Variants in ZNF407 observed in about 807,000 individuals in gnomAD.
The protein encoded by ZNF407 is zinc finger protein 407.
ZNF407 carries 17 observed loss-of-function variants against 131.2 expected under a neutral mutation model. The observed-to-expected ratio is 0.13, with a 90% confidence interval of 0.09 to 0.19. The LOEUF (loss-of-function observed/expected upper bound fraction) is 0.19. Ranked by LOEUF, ZNF407 falls within the 10% of genes least tolerant of loss-of-function variation. The probability of loss-of-function intolerance (pLI) is 1.00; values close to 1 mark genes in which losing one functional copy is unlikely to be tolerated. For synonymous variants in ZNF407, 1,156 were observed against 1,062.0 expected (o/e 1.09, Z -1.72); for missense variants, 2,681 against 2,830.6 (o/e 0.95, Z 1.20).
chr18:74,831,140 G>T (rs1003623886), intron 4 of ZNF407, among the ~76,000 whole-genome samples: 1 of 152,078 alleles, frequency 6.6e-6, no homozygotes, highest in East Asian at 1.9e-4. Context: ...CATTGTGTAT[G>T]TATATATACC....
intron 7 of ZNF407, among the ~76,000 whole-genome samples, chr18:74,906,769 CTG>C (rs761270124): frequency 1.6e-4 from 25 of 152,070 alleles, no homozygotes; most frequent in East Asian, 3.9e-4. Context: ...CACAGATACT[CTG>C]TGTATATATT....
chr18:74,941,429 G>A (rs1053058702), intron 8 of ZNF407, among the ~76,000 whole-genome samples: 2 of 152,186 alleles, frequency 1.3e-5, no homozygotes, highest in African/African-American at 2.4e-5. Flanking sequence ...CTGCTTTCAT[G>A]TAGCTCCAGC....
At chr18:74,688,648 TTTTAGA>T (rs1480846631) in intron 3 of ZNF407, among the ~76,000 whole-genome samples, 2 of 152,204 alleles carry the variant, frequency 1.3e-5, no homozygotes, top group Non-Finnish European at 2.9e-5. Context: ...AGTTTTATTG[TTTTAGA>T]TTTAACATTA....
chr18:74,982,645 G>A (rs542441582), intron 8 of ZNF407, among the ~76,000 whole-genome samples: 17 of 152,300 alleles, frequency 1.1e-4, no homozygotes, highest in Non-Finnish European at 2.1e-4. Context: ...GGAACCTCTC[G>A]TCACTGTCTT....
chr18:74,992,259 A>G (rs1972727443), intron 8 of ZNF407, among the ~76,000 whole-genome samples: 1 of 152,230 alleles, frequency 6.6e-6, no homozygotes, highest in African/African-American at 2.4e-5. Context: ...TTTTTAAAAG[A>G]TAAAGTACTA....
At chr18:75,001,847 G>A (rs764455878) in intron 8 of ZNF407, among the ~76,000 whole-genome samples, 1 of 152,194 alleles carries the variant, frequency 6.6e-6, no homozygotes, top group Non-Finnish European at 1.5e-5. Context: ...TCTGTCCCCC[G>A]TGAATATTTG....
chr18:74,915,321 AGTGTGTGT>A lies in ZNF407; in HGVS notation c.5250-5169_5250-5162del, dbSNP rs5826357. 3.9e-3 allele frequency among the ~76,000 whole-genome samples: 518 copies of A among 133,156 alleles called. 4 individuals are homozygous for A. The highest frequency in any genetic ancestry group is 0.013 in the African/African-American group (470 of 35,232). 87.4% of individuals were successfully genotyped at this position (133,156 alleles called of 152,430 possible). A position where few individuals can be genotyped will look rare whatever the true frequency, so the allele number is the denominator to read the frequency against. ...ATTAGTAAAGAGTGTTCGAATCGGGAGTGTGTGTGTGTGTGTGTGTGTGTGTGTGTGCA... is the reference window on the plus strand; with the variant it reads ...ATTAGTAAAGAGTGTTCGAATCGGGAGTGTGTGTGTGTGTGTGTGTGTGCA... On this transcript the variant is annotated intron_variant, in intron 7 of 8. Transcript: ENST00000299687.
intron 3 of ZNF407, among the ~76,000 whole-genome samples, chr18:74,763,449 A>AT (rs770807430): frequency 9.3e-5 from 14 of 150,792 alleles, no homozygotes; most frequent in Non-Finnish European, 1.3e-4. Flanking sequence ...CAATTTATAC[A>AT]TTTTTTCTTT....
intron 8 of ZNF407, among the ~76,000 whole-genome samples, chr18:74,978,294 G>A (rs988918399): frequency 1.8e-4 from 27 of 152,136 alleles, no homozygotes; most frequent in African/African-American, 6.3e-4. Context: ...GTTGATTGTG[G>A]AAGATCTTGG....
At chr18:75,033,509 T>C (rs1179053382) in intron 8 of ZNF407, among the ~76,000 whole-genome samples, 1 of 152,154 alleles carries the variant, frequency 6.6e-6, no homozygotes, top group East Asian at 1.9e-4. Flanking sequence ...GGAAAACAAA[T>C]AGACACTCCG....
chr18:74,740,396 C>A (rs1230051687), intron 3 of ZNF407, among the ~76,000 whole-genome samples: 2 of 152,136 alleles, frequency 1.3e-5, no homozygotes. Context: ...GATTGCTTTT[C>A]CATTAGTAGG....
chr18:74,822,030 G>A (rs1426954572), intron 4 of ZNF407, among the ~76,000 whole-genome samples: 4 of 152,124 alleles, frequency 2.6e-5, no homozygotes, highest in Non-Finnish European at 5.9e-5. Flanking sequence ...CAGTGAGGAT[G>A]AGCTTTTTTT....
intron 8 of ZNF407, among the ~76,000 whole-genome samples, chr18:74,931,982 C>CT (rs1359450162): frequency 1.3e-5 from 2 of 152,086 alleles, no homozygotes; most frequent in African/African-American, 2.4e-5. Flanking sequence ...TGAGACATGT[C>CT]TTTTTTTCCG....
At position 75,063,427 on chromosome 18, in the gene ZNF407, G is replaced by A. The variant is rs1247416278; in HGVS notation, c.5706G>A (p.Val1902=). The A allele has an allele frequency of 2.5e-6, 4 of 1,609,802 alleles. No homozygotes were observed. In the Admixed American group the frequency reaches 5.0e-5, roughly 20 times the overall value. ...TLAMAGQVAR[V]VHITEDGQVI... ...CCATGGCCGGCCAGGTGGCCCGGGT[G>A]GTGCATATCACGGAGGATGGCCAGG... Residue 1902 remains valine (V), a synonymous_variant, in exon 9 of 9, where the codon GTG becomes GTA. Transcript: ENST00000299687. This position sits in a 1 kb window ranked among gnomAD's most constrained non-coding sequence, Gnocchi z 6.6.
At chr18:74,765,369 G>T (rs530742636) in intron 3 of ZNF407, among the ~76,000 whole-genome samples, 6 of 151,926 alleles carry the variant, frequency 3.9e-5, no homozygotes. Context: ...ATTTTACTTT[G>T]TTGTTTCTGT....
At chr18:74,895,640 T>A (rs1173509975) in intron 7 of ZNF407, among the ~76,000 whole-genome samples, 1 of 152,218 alleles carries the variant, frequency 6.6e-6, no homozygotes, top group African/African-American at 2.4e-5. Flanking sequence ...AATATCTCAG[T>A]TATAAAACAT....
intron 3 of ZNF407, among the ~76,000 whole-genome samples, chr18:74,777,242 T>C (rs1369832187): frequency 1.3e-5 from 2 of 152,042 alleles, no homozygotes; most frequent in African/African-American, 2.4e-5. Flanking sequence ...TAAACTGGAG[T>C]GTAGGCATTA....
At position 74,774,119 on chromosome 18, in the gene ZNF407, G is replaced by A. The variant is rs144844386; in HGVS notation, c.4803-7309G>A. 1.4e-4 allele frequency among the ~76,000 whole-genome samples: 22 copies of A among 152,264 alleles called. No homozygotes were observed. The East Asian group carries it at 1.9e-3, about 13-fold the overall frequency. Reference sequence around the variant, plus strand: ...TTTGAGAATTACAAGACATAATTACGGTAATAGATTATAAAATATGGTATA... The same window carrying A: ...TTTGAGAATTACAAGACATAATTACAGTAATAGATTATAAAATATGGTATA... On this transcript the variant is annotated intron_variant, in intron 3 of 8. Transcript: ENST00000299687.
intron 6 of ZNF407, among the ~76,000 whole-genome samples, chr18:74,883,014 A>G (rs1348113688): frequency 6.6e-6 from 1 of 152,230 alleles, no homozygotes; most frequent in Non-Finnish European, 1.5e-5. Context: ...ATCGAAGTGG[A>G]GACAGGAATG....
Sources: allele counts gnomAD v4.1 joint callset (sites outside exome capture counted in the v4.1 genomes callset), GRCh38; gene constraint gnomAD v4.1.1; non-coding constraint Gnocchi (gnomAD v3.1); transcripts MANE v1.5; gene names NCBI Gene and HGNC (gene_info 2026-07-23, HGNC 2026-07-21).